Variants in TMEM114 observed in about 807,000 individuals in gnomAD.
TMEM114 encodes claudin-26.
In TMEM114, 6 loss-of-function variants were observed where a neutral mutation model predicts 6.2. That is an observed-to-expected ratio of 0.97 (90% CI 0.53 to 1.91). TMEM114 has a LOEUF of 1.91. Ranked by LOEUF, TMEM114 falls within the 40% of genes most tolerant of loss-of-function variation. The pLI, the probability that TMEM114 is intolerant of heterozygous loss-of-function variation, is 0.01. For synonymous variants in TMEM114, 104 were observed against 73.0 expected (o/e 1.42, Z -2.16); for missense variants, 218 against 158.3 (o/e 1.38, Z -2.02).
intron 2 of TMEM114, among the ~76,000 whole-genome samples, chr16:8,561,856 G>GTGAGGGAA (rs1901219817): frequency 7.4e-5 from 2 of 27,064 alleles, no homozygotes; most frequent in South Asian, 1.0e-3. Context: ...GAATGAATGA[G>GTGAGGGAA]TGAGTGAGGG....
At chr16:8,536,345 T>C (rs576301844), downstream of TMEM114, among the ~76,000 whole-genome samples, 2 of 152,310 alleles carry the variant, frequency 1.3e-5, no homozygotes, top group Admixed American at 6.5e-5. Flanking sequence ...GCTCTTCATA[T>C]AATAATTTGT....
At chr16:8,554,894 A>T (rs1900958788) in intron 2 of TMEM114, among the ~76,000 whole-genome samples, 1 of 152,222 alleles carries the variant, frequency 6.6e-6, no homozygotes, top group Non-Finnish European at 1.5e-5. Context: ...CCTTCGTACC[A>T]CAGCTGGGTG....
intron 2 of TMEM114, among the ~76,000 whole-genome samples, chr16:8,546,302 C>T (rs77211515): frequency 0.026 from 3,890 of 152,134 alleles, 140 homozygotes; most frequent in East Asian, 0.15. Flanking sequence ...ATTTGCATTC[C>T]TTCTAATTGT....
Position 8,561,291 on chromosome 16 carries a change from G to A in TMEM114, n.213-23465C>T, listed in dbSNP as rs1362915779. 2.0e-5 allele frequency among the ~76,000 whole-genome samples: 3 copies of A among 152,342 alleles called. No individual in the cohort carries two copies. In the East Asian group the frequency reaches 5.8e-4, roughly 29 times the overall value. On this transcript the variant is annotated intron_variant and non_coding_transcript_variant, in intron 2 of 2. Coordinates refer to the TMEM114 transcript ENST00000623677. ...TAGTTAATCAAGGCAAAATTAGGAGGAAGAGTTTCTGGTCTCTCAAAAGAC... is the reference window on the plus strand; with the variant it reads ...TAGTTAATCAAGGCAAAATTAGGAGAAAGAGTTTCTGGTCTCTCAAAAGAC...
intron 2 of TMEM114, among the ~76,000 whole-genome samples, chr16:8,551,287 C>T (rs986250970): frequency 5.3e-5 from 8 of 152,158 alleles, no homozygotes; most frequent in Admixed American, 3.3e-4. Flanking sequence ...AAGCAAGACC[C>T]TCTGAAAAGC....
At chr16:8,534,726 T>A (rs992392640), downstream of TMEM114, among the ~76,000 whole-genome samples, 3 of 152,214 alleles carry the variant, frequency 2.0e-5, no homozygotes, top group African/African-American at 7.2e-5. Flanking sequence ...TTATAAAATC[T>A]ACAAATGTAC....
chr16:8,547,112 A>T (rs1177831757), intron 2 of TMEM114, among the ~76,000 whole-genome samples: 1 of 152,054 alleles, frequency 6.6e-6, no homozygotes, highest in Non-Finnish European at 1.5e-5. Flanking sequence ...CTGTTGAGGG[A>T]TCGTGTGGTC....
chr16:8,560,936 C>G (rs1312718324), intron 2 of TMEM114, among the ~76,000 whole-genome samples: 3 of 152,182 alleles, frequency 2.0e-5, no homozygotes, highest in Non-Finnish European at 4.4e-5. Context: ...GCCTCACAAT[C>G]ATGGCAGAAG....
chr16:8,559,186 G>T (rs146371199), intron 2 of TMEM114, among the ~76,000 whole-genome samples: 2 of 152,014 alleles, frequency 1.3e-5, no homozygotes, highest in Non-Finnish European at 2.9e-5. Context: ...GGGACTATAC[G>T]CATGCGCCAC....
downstream of TMEM114, among the ~76,000 whole-genome samples, chr16:8,536,741 GA>G (rs1353112000): frequency 1.3e-5 from 2 of 151,970 alleles, no homozygotes; most frequent in African/African-American, 4.8e-5. Context: ...TTTAGCTCAG[GA>G]AAAGGGGAGG....
intron 2 of TMEM114, among the ~76,000 whole-genome samples, chr16:8,574,529 G>A (rs1208289094): frequency 6.6e-6 from 1 of 150,488 alleles, no homozygotes; most frequent in East Asian, 1.9e-4. Flanking sequence ...TGATTACAGG[G>A]GATGAGACCT....
chr16:8,538,657 G>A (rs1389643711), intron 2 of TMEM114, among the ~76,000 whole-genome samples: 4 of 152,058 alleles, frequency 2.6e-5, no homozygotes, highest in South Asian at 2.1e-4. Context: ...ACAGGCGCCC[G>A]CCACCACGCC....
At chr16:8,546,074 C>A (rs1024049576) in intron 2 of TMEM114, among the ~76,000 whole-genome samples, 1 of 152,118 alleles carries the variant, frequency 6.6e-6, no homozygotes, top group African/African-American at 2.4e-5. Flanking sequence ...ATGATCATGT[C>A]ACTGCACTCC....
At chr16:8,571,066 C>A (rs919112735) in intron 3 of TMEM114, among the ~76,000 whole-genome samples, 5 of 151,470 alleles carry the variant, frequency 3.3e-5, no homozygotes, top group Admixed American at 2.6e-4. Context: ...CTCCAGACAT[C>A]CCTTTTGTTT....
At chr16:8,579,315 G>A (rs987669525) in intron 2 of TMEM114, among the ~76,000 whole-genome samples, 9 of 152,102 alleles carry the variant, frequency 5.9e-5, no homozygotes, top group African/African-American at 2.2e-4. Context: ...AAAGAAGAAG[G>A]TCCCAGGATC....
intron 2 of TMEM114, among the ~76,000 whole-genome samples, chr16:8,578,814 A>G (rs1902033316): frequency 6.6e-6 from 1 of 152,104 alleles, no homozygotes; most frequent in African/African-American, 2.4e-5. Flanking sequence ...CCCCGTCTCT[A>G]CTAAAAACAC....
At chr16:8,583,847 C>T (rs1291933036) in intron 2 of TMEM114, among the ~76,000 whole-genome samples, 1 of 152,168 alleles carries the variant, frequency 6.6e-6, no homozygotes, top group Non-Finnish European at 1.5e-5. Flanking sequence ...CTGATGACAG[C>T]ACCTTGAGCT....
chr16:8,563,519 G>GAGTGAATGAGTA (rs1440188325), intron 2 of TMEM114, among the ~76,000 whole-genome samples: 2 of 151,016 alleles, frequency 1.3e-5, no homozygotes, highest in Non-Finnish European at 2.9e-5. Context: ...GGAAAAGAGT[G>GAGTGAATGAGTA]AGTGAATGAG....
At chr16:8,574,455 C>G (rs974302105) in intron 2 of TMEM114, among the ~76,000 whole-genome samples, 2 of 152,204 alleles carry the variant, frequency 1.3e-5, no homozygotes, top group African/African-American at 4.8e-5. Flanking sequence ...TCAATTGGCA[C>G]TAACTTTGGT....
Sources: gnomAD v4.1 joint callset for allele counts (sites outside exome capture counted in the v4.1 genomes callset) on GRCh38, gnomAD v4.1.1 for gene constraint, MANE v1.5 for transcripts, NCBI Gene and HGNC (gene_info 2026-07-23, HGNC 2026-07-21) for gene names.